Variants in ZNF212 observed in about 807,000 individuals in gnomAD.
The protein encoded by ZNF212 is Zinc finger protein C2H2-150.
Under a neutral mutation model 47.3 loss-of-function variants are expected in ZNF212, and 32 were observed. The observed-to-expected ratio is 0.68, with a 90% CI of 0.51 to 0.91. The LOEUF is 0.91. Among genes scored for constraint, ZNF212 ranks in the 40% least tolerant of loss-of-function variants. The pLI, the probability that ZNF212 is intolerant of heterozygous loss-of-function variation, is 0.00. For missense variants in ZNF212, 555 were observed against 622.8 expected, an observed-to-expected ratio of 0.89 and a Z score of 1.16; for synonymous variants, 242 against 253.8, an observed-to-expected ratio of 0.95 and a Z score of 0.44.
Position 149,239,696 on chromosome 7 carries a change from A to G in ZNF212, c.-83A>G, listed in dbSNP as rs1038802541. 18 of 1,020,926 alleles carry G rather than the reference A, an allele frequency of 1.8e-5. No homozygotes were observed. The highest frequency in any genetic ancestry group is 1.4e-4 in the African/African-American group (8 of 58,014). 63.2% of individuals were successfully genotyped at this position (1,020,926 alleles called of 1,614,324 possible). A position where few individuals can be genotyped will look rare whatever the true frequency, so the allele number is the denominator to read the frequency against. Reference sequence around the variant, plus strand: ...ACGGCGGCGGCGGCGGCGGCTTCCAACAGGCTCTGGGGCGCCGAGCGGACA... The same window carrying G: ...ACGGCGGCGGCGGCGGCGGCTTCCAGCAGGCTCTGGGGCGCCGAGCGGACA... On this transcript the variant is annotated 5_prime_UTR_variant, in exon 1 of 5. Coordinates refer to ENST00000335870, the MANE Select transcript of ZNF212 (RefSeq NM_012256.4).
At chr7:149,251,903 G>A (rs1487090022) in intron 3 of ZNF212, among the ~76,000 whole-genome samples, 13 of 138,764 alleles carry the variant, frequency 9.4e-5, no homozygotes, top group African/African-American at 3.5e-4. Context: ...CTAGGAGTTC[G>A]AAATCAGCCT....
intron 3 of ZNF212, 50 bp from the exon 4 acceptor site, chr7:149,252,656 A>G (rs1474975306): frequency 6.4e-7 from 1 of 1,558,936 alleles, no homozygotes; most frequent in South Asian, 1.1e-5. Flanking sequence ...ATCAGTGTGC[A>G]GTGAGCTTTC....
intron 1 of ZNF212, among the ~76,000 whole-genome samples, chr7:149,248,263 T>C (rs1387314096): frequency 2.0e-5 from 3 of 152,190 alleles, no homozygotes; most frequent in Non-Finnish European, 4.4e-5. Context: ...TGTGTCTGCG[T>C]CTAAAGGTCC....
At chr7:149,249,497 C>A (rs1796721743) in intron 1 of ZNF212, among the ~76,000 whole-genome samples, 2 of 151,944 alleles carry the variant, frequency 1.3e-5, no homozygotes, top group Admixed American at 1.3e-4. Flanking sequence ...ATACAGGAGT[C>A]TCAGAGAATA....
chr7:149,252,667 ACT>A (rs1411429007), intron 3 of ZNF212, 37 bp from the exon 4 acceptor site: 30 of 1,601,390 alleles, frequency 1.9e-5, no homozygotes, highest in Non-Finnish European at 2.5e-5. Context: ...GTGAGCTTTC[ACT>A]CTCTCCTGGG....
intron 1 of ZNF212, among the ~76,000 whole-genome samples, chr7:149,248,557 A>G (rs145262960): frequency 0.021 from 3,199 of 152,246 alleles, 65 homozygotes; most frequent in African/African-American, 0.051. Context: ...CATTCTTTTC[A>G]ACCTCTTACT....
Position 149,255,093 on chromosome 7 carries a change from A to G in ZNF212, c.*678A>G, listed in dbSNP as rs1293972068. 6.6e-6 allele frequency: 1 copy of G among 152,246 alleles called. No homozygotes were observed. The highest frequency in any genetic ancestry group is 6.5e-5 in the Admixed American group (1 of 15,278). The allele number at this position is 152,246 out of a possible 1,614,324, so 9.4% of individuals were successfully genotyped here. ...GCCGGAGAGCAGGGGACACGGTGCT[A>G]GGTTCCCTCGTGCAGTGCCTGGTGC... On this transcript the variant is annotated 3_prime_UTR_variant, in exon 5 of 5. Transcript: ENST00000335870.
At chr7:149,250,595 C>T (rs1796738978) in intron 2 of ZNF212, 47 bp downstream of exon 2, 6 of 1,605,006 alleles carry the variant, frequency 3.7e-6, no homozygotes, top group Non-Finnish European at 5.1e-6. Context: ...GGGAGCCAGC[C>T]CTTTAATATG....
rs199804341 is a variant in ZNF212, at chr7:149,250,700, A to G, written c.434A>G (p.Asn145Ser). ...TTCCAGGTGTCCAGGTCACTGGAGA[A>G]TGATGGCGTCTGTTTCACCGAGCAG... ...EAPKVSRSLE[N>S]DGVCFTEQEW... Residue 145 changes from asparagine to serine, a missense_variant, in exon 3 of 5, where the codon AAT becomes AGT. Transcript: ENST00000335870. 1 of 1,614,222 alleles carries G rather than the reference A, an allele frequency of 6.2e-7. No individual in the cohort carries two copies. Among genetic ancestry groups the G allele is most frequent in the Non-Finnish European group, 8.5e-7 (1 of 1,180,042 alleles).
In ZNF212 at chr7:149,253,732, A is replaced by C; in HGVS notation, c.805A>C (p.Thr269Pro). ...CTTGGAAACAGGTCCTGGGGACTCTACTCTAGAGGAGCCTGTTGGTAGTAG... is the reference window on the plus strand; with the variant it reads ...CTTGGAAACAGGTCCTGGGGACTCTCCTCTAGAGGAGCCTGTTGGTAGTAG... ...VLLETGPGDS[T>P]LEEPVGSRVP... The change falls in exon 5 of 5, where the codon ACT (threonine) becomes CCT (proline). Residue 269 changes from threonine (T) to proline (P), a missense_variant. Thr to Pro is a conservative substitution (Grantham distance 38). Coordinates refer to ENST00000335870, the MANE Select transcript of ZNF212 (RefSeq NM_012256.4). 1 of 1,614,016 alleles carries C rather than the reference A, an allele frequency of 6.2e-7. No individual in the cohort carries two copies. Among genetic ancestry groups the C allele is most frequent in the Non-Finnish European group, 8.5e-7 (1 of 1,179,960 alleles).
At chr7:149,245,699 A>G (rs1443983650) in intron 1 of ZNF212, among the ~76,000 whole-genome samples, 2 of 151,814 alleles carry the variant, frequency 1.3e-5, no homozygotes, top group Non-Finnish European at 2.9e-5. Context: ...TAGAGATGGG[A>G]TTTCACCATC....
At position 149,239,676 on chromosome 7, in the gene ZNF212, G is replaced by GGCT. The variant is rs951055152; in HGVS notation, c.-101_-100insTGC. 1 of 1,274,710 alleles carries GGCT rather than the reference G, an allele frequency of 7.8e-7. No homozygotes were observed. Among genetic ancestry groups the GGCT allele is most frequent in the Non-Finnish European group, 1.0e-6 (1 of 1,000,420 alleles). 79.0% of individuals were successfully genotyped at this position (1,274,710 alleles called of 1,614,324 possible). On this transcript the variant is annotated 5_prime_UTR_variant, in exon 1 of 5. Transcript: ENST00000335870. ...AGAATGCACCTGGCATCAACACGGC[G>GGCT]GCGGCGGCGGCGGCTTCCAACAGGC...
At chr7:149,240,152 G>A (rs1478048037) in intron 1 of ZNF212, 3 of 256,190 alleles carry the variant, frequency 1.2e-5, no homozygotes, top group Non-Finnish European at 2.2e-5. Context: ...AACGGTCTCC[G>A]TCGCTACGAG....
intron 1 of ZNF212, among the ~76,000 whole-genome samples, chr7:149,241,956 G>A (rs1006557054): frequency 6.6e-6 from 1 of 151,664 alleles, no homozygotes; most frequent in Non-Finnish European, 1.5e-5. Flanking sequence ...GATTACAGGC[G>A]TGAGCCACCG....
chr7:149,254,466 C>G lies in ZNF212; in HGVS notation c.*51C>G. The G allele has an allele frequency of 1.3e-6, 2 of 1,534,182 alleles. No homozygotes were observed. The highest frequency in any genetic ancestry group is 1.7e-6 in the Non-Finnish European group (2 of 1,151,406). ...GGATGGAGGGGGGTGGCATTGGTTC[C>G]CCCGAAGAGACACTGCAGTCAGGGA... On this transcript the variant is annotated 3_prime_UTR_variant, in exon 5 of 5. Coordinates refer to ENST00000335870, the MANE Select transcript of ZNF212 (RefSeq NM_012256.4). This position sits in a 1 kb window ranked among gnomAD's most constrained non-coding sequence, Gnocchi z 4.5.
chr7:149,239,701 C>G lies in ZNF212; in HGVS notation c.-78C>G. Reference sequence around the variant, plus strand: ...GGCGGCGGCGGCGGCTTCCAACAGGCTCTGGGGCGCCGAGCGGACAGGAAC... The same window carrying G: ...GGCGGCGGCGGCGGCTTCCAACAGGGTCTGGGGCGCCGAGCGGACAGGAAC... On this transcript the variant is annotated 5_prime_UTR_variant, in exon 1 of 5. Transcript: ENST00000335870. 2 of 1,192,772 alleles carry G rather than the reference C, an allele frequency of 1.7e-6. No homozygotes were observed. Among genetic ancestry groups the G allele is most frequent in the South Asian group, 6.9e-5 (2 of 29,068 alleles). The allele number at this position is 1,192,772 out of a possible 1,614,324, so 73.9% of individuals were successfully genotyped here.
In ZNF212 at chr7:149,254,071, G is replaced by A; in HGVS notation, c.1144G>A (p.Val382Met). The A allele has an allele frequency of 3.7e-6, 6 of 1,612,754 alleles. No individual in the cohort carries two copies. The highest frequency in any genetic ancestry group is 3.4e-6 in the Non-Finnish European group (4 of 1,179,380). The change falls in exon 5 of 5, where the codon GTG becomes ATG. Residue 382 changes from valine to methionine, a missense_variant. Coordinates refer to ENST00000335870, the MANE Select transcript of ZNF212 (RefSeq NM_012256.4). This position sits in a 1 kb window ranked among gnomAD's most constrained non-coding sequence, Gnocchi z 4.5. ...GTGCCTGAGGAGCTTCAGCTGCAAG[G>A]TGAGCCTGGTGACCCATCAGCGTTG... ...DVCLRSFSCK[V>M]SLVTHQRCHL...
chr7:149,253,508 C>A (rs748836765), intron 4 of ZNF212, 51 bp from the exon 5 acceptor site: 3 of 1,544,064 alleles, frequency 1.9e-6, no homozygotes, highest in Non-Finnish European at 1.7e-6. Context: ...CCTGAAGAAA[C>A]CAAAGGTACT....
In ZNF212 at chr7:149,253,554, T is replaced by G. The variant is rs771035737; in HGVS notation, c.632-5T>G. 18 of 1,592,144 alleles carry G rather than the reference T, an allele frequency of 1.1e-5. No homozygotes were observed. The African/African-American group carries it at 2.2e-4, about 19-fold the overall frequency. ...CTTTTTTGTTGGTCTTCTTCCACTT[T>G]GCAGCAGGTGGGGTCATGATCAAAC... On this transcript the variant is annotated splice_region_variant and splice_polypyrimidine_tract_variant and intron_variant, in intron 4 of 4. Coordinates refer to ENST00000335870, the MANE Select transcript of ZNF212 (RefSeq NM_012256.4).
Sources: allele counts gnomAD v4.1 joint callset (sites outside exome capture counted in the v4.1 genomes callset), GRCh38; gene constraint gnomAD v4.1.1; non-coding constraint Gnocchi (gnomAD v3.1); transcripts MANE v1.5; gene names NCBI Gene and HGNC (gene_info 2026-07-23, HGNC 2026-07-21).